Variants in CELF2 observed in about 807,000 individuals in gnomAD.
The protein encoded by CELF2 is CUG triplet repeat RNA-binding protein 2.
In CELF2, 8 loss-of-function variants were observed where a neutral mutation model predicts 62.6. The ratio of observed to expected loss-of-function variants is 0.13; its 90% CI spans 0.07 to 0.23. CELF2 has a LOEUF of 0.23. CELF2 is among the 10% of genes least tolerant of loss of function. The pLI, the probability that CELF2 is intolerant of heterozygous loss-of-function variation, is 1.00. For missense variants in CELF2, 333 were observed against 671.0 expected (o/e 0.50, Z 5.56); for synonymous variants, 258 against 250.0 (o/e 1.03, Z -0.30).
the CELF2 span, among the ~76,000 whole-genome samples, chr10:10,591,690 T>A: frequency 2.4e-4 from 36 of 152,344 alleles, 1 homozygote; most frequent in South Asian, 7.5e-3. Flanking sequence ...TTAAGGAAAC[T>A]GACTTTGATT....
At chr10:10,575,255 T>C in the CELF2 span, among the ~76,000 whole-genome samples, 1 of 152,152 alleles carries the variant, frequency 6.6e-6, no homozygotes, top group Admixed American at 6.6e-5. Flanking sequence ...ATTAACCCAT[T>C]CTTGAAGGGT....
intron 1 of CELF2, among the ~76,000 whole-genome samples, chr10:10,905,318 C>G (rs1274231915): frequency 6.6e-6 from 1 of 152,162 alleles, no homozygotes; most frequent in Non-Finnish European, 1.5e-5. Flanking sequence ...ATATTCGTAT[C>G]TTTGTCACTC....
chr10:10,587,367 A>G, the CELF2 span, among the ~76,000 whole-genome samples: 1 of 152,020 alleles, frequency 6.6e-6, no homozygotes, highest in African/African-American at 2.4e-5. Context: ...ACCCAAACGC[A>G]TTTGCATTTG....
At chr10:10,562,781 G>A in the CELF2 span, among the ~76,000 whole-genome samples, 1 of 136,922 alleles carries the variant, frequency 7.3e-6, no homozygotes, top group African/African-American at 3.4e-5. Context: ...GTCAGATACG[G>A]AGCCTACCTC....
the CELF2 span, among the ~76,000 whole-genome samples, chr10:10,724,771 A>G: frequency 6.6e-6 from 1 of 152,052 alleles, no homozygotes; most frequent in Non-Finnish European, 1.5e-5. Context: ...TTTCTATCCT[A>G]TCTTTCTCTC....
chr10:10,478,457 T>A, the CELF2 span, among the ~76,000 whole-genome samples: 1 of 151,822 alleles, frequency 6.6e-6, no homozygotes, highest in Admixed American at 6.6e-5. Context: ...TGATAGCATC[T>A]GATGCAGTTA....
At chr10:10,566,358 TTGCAAGGACCTTCC>T in the CELF2 span, among the ~76,000 whole-genome samples, 3 of 151,642 alleles carry the variant, frequency 2.0e-5, no homozygotes, top group Non-Finnish European at 4.4e-5. Context: ...CTCTAGGTTC[TTGCAAGGACCTTCC>T]ACAATAGCAC....
chr10:11,063,842 T>C (rs1307187048), intron 1 of CELF2, among the ~76,000 whole-genome samples: 1 of 152,206 alleles, frequency 6.6e-6, no homozygotes, highest in South Asian at 2.1e-4. Flanking sequence ...TCTGCCCTAT[T>C]AAGTTGGACT....
chr10:10,728,573 G>T, the CELF2 span, among the ~76,000 whole-genome samples: 1 of 152,102 alleles, frequency 6.6e-6, no homozygotes, highest in Admixed American at 6.6e-5. Context: ...GTTCTCAGAA[G>T]ATAAATTTGC....
the CELF2 span, among the ~76,000 whole-genome samples, chr10:10,513,589 A>AT: frequency 3.2e-4 from 48 of 150,104 alleles, no homozygotes; most frequent in African/African-American, 1.0e-3. Flanking sequence ...GGGCTTCAAG[A>AT]TTTTTTTTTT....
intron 1 of CELF2, among the ~76,000 whole-genome samples, chr10:10,843,571 T>A (rs1224080791): frequency 6.6e-6 from 1 of 152,038 alleles, no homozygotes; most frequent in Non-Finnish European, 1.5e-5. Context: ...TTTTGAGGTG[T>A]GTTTTATGGC....
At chr10:10,858,359 T>C (rs2059870348) in intron 1 of CELF2, among the ~76,000 whole-genome samples, 1 of 152,134 alleles carries the variant, frequency 6.6e-6, no homozygotes, top group African/African-American at 2.4e-5. Flanking sequence ...CTAGCTACTT[T>C]TCATAACTGC....
intron 1 of CELF2, among the ~76,000 whole-genome samples, chr10:11,021,606 A>T (rs1349463736): frequency 6.6e-6 from 1 of 152,190 alleles, no homozygotes; most frequent in Non-Finnish European, 1.5e-5. Flanking sequence ...GCCATGCGCC[A>T]GGATAGTTTA....
chr10:10,946,139 G>C (rs1273492223), intron 2 of CELF2: 3 of 152,656 alleles, frequency 2.0e-5, no homozygotes, highest in African/African-American at 7.2e-5. Context: ...TGCTGAAAAT[G>C]ATGCCATCCT....
chr10:10,741,577 G>A, the CELF2 span, among the ~76,000 whole-genome samples: 1 of 150,934 alleles, frequency 6.6e-6, no homozygotes, highest in African/African-American at 2.4e-5. Flanking sequence ...CTCATTTAGA[G>A]TTTGTCTGAT....
At position 11,005,685 on chromosome 10, in the gene CELF2, C is replaced by T. The variant is rs2055126768; in HGVS notation, c.53+245C>T. Among the ~76,000 whole-genome samples, 1 of 152,138 alleles carries T rather than the reference C, an allele frequency of 6.6e-6. No individual in the cohort carries two copies. Among genetic ancestry groups the T allele is most frequent in the South Asian group, 2.1e-4 (1 of 4,818 alleles). ...TACTAGTTGCCTTTTGAAAGCATAT[C>T]ATGTATTTGCTCACTGCTATTTGTG... is the stretch of plus-strand genomic sequence containing the variant. On this transcript the variant is annotated intron_variant, in intron 1 of 12. Coordinates refer to the CELF2 transcript ENST00000416382. The surrounding 1 kb of genome is among the most constrained non-coding windows in gnomAD (Gnocchi z 4.3).
chr10:11,240,308 G>A (rs1197647884), intron 3 of CELF2, among the ~76,000 whole-genome samples: 1 of 152,222 alleles, frequency 6.6e-6, no homozygotes. Flanking sequence ...ACCCAACAAT[G>A]AGTGGTCTTC....
the CELF2 span, among the ~76,000 whole-genome samples, chr10:10,716,747 G>C: frequency 6.6e-6 from 1 of 152,148 alleles, no homozygotes; most frequent in African/African-American, 2.4e-5. Flanking sequence ...TTCAACACAA[G>C]CACTGGCAAC....
At chr10:11,293,609 C>T (rs147135309) in intron 9 of CELF2, among the ~76,000 whole-genome samples, 1 of 152,188 alleles carries the variant, frequency 6.6e-6, no homozygotes, top group Admixed American at 6.5e-5. Flanking sequence ...CCTGTGCTCC[C>T]AGGGCACACT....
Sources: gnomAD v4.1 joint callset for allele counts (sites outside exome capture counted in the v4.1 genomes callset) on GRCh38, gnomAD v4.1.1 for gene constraint, Gnocchi (gnomAD v3.1) non-coding constraint, MANE v1.5 for transcripts, NCBI Gene and HGNC (gene_info 2026-07-23, HGNC 2026-07-21) for gene names.